The following CSMD3 variants were observed in gnomAD, a reference collection of about 807,000 sequenced individuals.
CSMD3 encodes CUB and Sushi multiple domains 3.
Under a neutral mutation model 435.2 loss-of-function variants are expected in CSMD3, and 177 were observed. That is an observed-to-expected ratio of 0.41 (90% CI 0.36 to 0.46). The LOEUF (loss-of-function observed/expected upper bound fraction) is 0.46, where lower values mean the gene tolerates loss of function less well. Ranked by LOEUF, CSMD3 falls within the 20% of genes least tolerant of loss-of-function variation. The pLI is 0.34. For missense variants in CSMD3, 4,265 were observed against 4,504.6 expected, an observed-to-expected ratio of 0.95 and a Z score of 1.52; for synonymous variants, 1,656 against 1,520.5, an observed-to-expected ratio of 1.09 and a Z score of -2.07.
intron 3 of CSMD3, among the ~76,000 whole-genome samples, chr8:113,190,129 A>C (rs2131976602): frequency 6.6e-6 from 1 of 151,758 alleles, no homozygotes; most frequent in South Asian, 2.1e-4. Context: ...TTACTTTTGC[A>C]CCAACCAAAT....
intron 30 of CSMD3, among the ~76,000 whole-genome samples, chr8:112,500,049 C>T (rs185583711): frequency 3.9e-4 from 59 of 151,976 alleles, no homozygotes; most frequent in East Asian, 1.9e-4. Context: ...GCAAAGGTTG[C>T]GGTGAACCGG....
chr8:112,497,095 CA>C, intron 30 of CSMD3, among the ~76,000 whole-genome samples: 1 of 151,562 alleles, frequency 6.6e-6, no homozygotes, highest in Non-Finnish European at 1.5e-5. Flanking sequence ...TATGTACCCA[CA>C]AAAATTAAAA....
At chr8:113,104,160 C>T (rs1035922696) in intron 4 of CSMD3, among the ~76,000 whole-genome samples, 4 of 152,020 alleles carry the variant, frequency 2.6e-5, no homozygotes, top group African/African-American at 7.2e-5. Context: ...GGGTGGGGTG[C>T]AGGAAATAGG....
At chr8:112,871,793 G>T (rs969971493) in intron 10 of CSMD3, among the ~76,000 whole-genome samples, 1 of 152,030 alleles carries the variant, frequency 6.6e-6, no homozygotes, top group Non-Finnish European at 1.5e-5. Context: ...TCTTAATAGT[G>T]TATGGGAAGG....
intron 10 of CSMD3, among the ~76,000 whole-genome samples, chr8:112,904,803 C>G (rs916854792): frequency 3.3e-5 from 5 of 151,152 alleles, no homozygotes; most frequent in Non-Finnish European, 7.4e-5. Context: ...TTAATGCATC[C>G]TAAAGTATCT....
intron 4 of CSMD3, among the ~76,000 whole-genome samples, chr8:113,114,522 T>C (rs2090764612): frequency 6.6e-6 from 1 of 152,106 alleles, no homozygotes; most frequent in South Asian, 2.1e-4. Context: ...GCTGAAGGGA[T>C]CCCAGGTGCA....
intron 1 of CSMD3, among the ~76,000 whole-genome samples, chr8:113,382,707 TG>T (rs1213687460): frequency 6.6e-6 from 1 of 152,076 alleles, no homozygotes; most frequent in African/African-American, 2.4e-5. Context: ...TGGCCAGGCG[TG>T]GTGGCTCATG....
At chr8:112,342,944 A>G (rs1463665317) in intron 41 of CSMD3, among the ~76,000 whole-genome samples, 3 of 124,618 alleles carry the variant, frequency 2.4e-5, no homozygotes, top group Non-Finnish European at 5.3e-5. Context: ...ATTCTTGAAC[A>G]TATGTTTCTT....
intron 12 of CSMD3, among the ~76,000 whole-genome samples, chr8:112,805,696 T>A (rs1486920435): frequency 6.6e-6 from 1 of 152,224 alleles, no homozygotes; most frequent in Non-Finnish European, 1.5e-5. Context: ...TTTCTCCGAT[T>A]TATCTATGAT....
chr8:112,743,224 A>C (rs1334317066), intron 13 of CSMD3, among the ~76,000 whole-genome samples: 2 of 151,928 alleles, frequency 1.3e-5, no homozygotes, highest in African/African-American at 2.4e-5. Flanking sequence ...TTAAGCTTGC[A>C]GTGGAAAATA....
chr8:113,278,571 T>C (rs2132458058), intron 3 of CSMD3, 21 bp downstream of exon 3: 1 of 1,155,792 alleles, frequency 8.7e-7, no homozygotes, highest in Non-Finnish European at 1.3e-6. Context: ...CAGTGGTTTG[T>C]TTGCCACTAC....
intron 16 of CSMD3, among the ~76,000 whole-genome samples, chr8:112,676,631 C>CTTTCA (rs1329474389): frequency 6.6e-6 from 1 of 152,102 alleles, no homozygotes; most frequent in Non-Finnish European, 1.5e-5. Flanking sequence ...TTTCAATCTA[C>CTTTCA]ATGAGTATAG....
rs769586403 is a variant in CSMD3 at position 113,195,226 on chromosome 8, C to CT, written c.515-21311dup. Among the ~76,000 whole-genome samples, 657 of 128,930 alleles carry CT rather than the reference C, an allele frequency of 5.1e-3. 2 individuals carry two copies. Among genetic ancestry groups the CT allele is most frequent in the African/African-American group, 0.013 (446 of 35,404 alleles). The allele number at this position is 128,930 out of a possible 152,430, so 84.6% of individuals were successfully genotyped here. A position where few individuals can be genotyped will look rare whatever the true frequency, so the allele number is the denominator to read the frequency against. ...ACACTGCCCATTACCCTATTCCAAGCTTTTTTTTTTTTTTTCAAGCTTCAG... is the reference window on the plus strand; with the variant it reads ...ACACTGCCCATTACCCTATTCCAAGCTTTTTTTTTTTTTTTTCAAGCTTCAG... On this transcript the variant is annotated intron_variant, in intron 3 of 70. Transcript: ENST00000297405.
At chr8:112,763,719 G>A (rs1263053538) in intron 13 of CSMD3, among the ~76,000 whole-genome samples, 1 of 149,960 alleles carries the variant, frequency 6.7e-6, no homozygotes, top group Non-Finnish European at 1.5e-5. Flanking sequence ...TATTTATTGA[G>A]CTTTGCTTCT....
intron 6 of CSMD3, among the ~76,000 whole-genome samples, chr8:112,998,273 A>G (rs1290754513): frequency 6.6e-6 from 1 of 151,900 alleles, no homozygotes; most frequent in East Asian, 1.9e-4. Context: ...CCTTTTATCA[A>G]AAACAAACAA....
chr8:113,283,847 G>C (rs1167876256), intron 2 of CSMD3, among the ~76,000 whole-genome samples: 1 of 152,098 alleles, frequency 6.6e-6, no homozygotes, highest in Non-Finnish European at 1.5e-5. Flanking sequence ...ATCAATCAAC[G>C]AGTGGATAAA....
intron 32 of CSMD3, among the ~76,000 whole-genome samples, chr8:112,428,330 G>GT (rs1813296444): frequency 2.0e-5 from 3 of 152,198 alleles, no homozygotes; most frequent in Admixed American, 2.0e-4. Flanking sequence ...ACAGAGATAT[G>GT]TTAAAGATGT....
intron 28 of CSMD3, among the ~76,000 whole-genome samples, chr8:112,514,610 C>T (rs1285955049): frequency 6.6e-6 from 1 of 152,130 alleles, no homozygotes; most frequent in East Asian, 1.9e-4. Context: ...AATGCTTCTA[C>T]TTTCCCGGGG....
chr8:113,136,200 T>A (rs1210665279), intron 4 of CSMD3, among the ~76,000 whole-genome samples: 1 of 151,808 alleles, frequency 6.6e-6, no homozygotes, highest in African/African-American at 2.4e-5. Flanking sequence ...ACTGAGATGC[T>A]AAAAAGTTTT....
Sources: gnomAD v4.1 joint callset for allele counts (sites outside exome capture counted in the v4.1 genomes callset) on GRCh38, gnomAD v4.1.1 for gene constraint, MANE v1.5 for transcripts, NCBI Gene and HGNC (gene_info 2026-07-23, HGNC 2026-07-21) for gene names.